Variants in GPR155 observed in about 807,000 individuals in gnomAD.
The protein encoded by GPR155 is lysosomal cholesterol signaling protein.
Under a neutral mutation model 93.1 loss-of-function variants are expected in GPR155, and 65 were observed. The observed-to-expected ratio is 0.70, with a 90% CI of 0.57 to 0.86. GPR155 has a LOEUF of 0.86. GPR155 is among the 40% of genes least tolerant of loss of function. GPR155 has a pLI of 0.00. For synonymous variants in GPR155, 319 were observed against 360.1 expected, an observed-to-expected ratio of 0.89 and a Z score of 1.29; for missense variants, 838 against 1,034.8, an observed-to-expected ratio of 0.81 and a Z score of 2.61.
rs1456436936 is a variant in GPR155 at position 174,431,849 on chromosome 2, G to A, written c.*4267C>T. 1.3e-5 allele frequency: 2 copies of A among 152,150 alleles called. No individual in the cohort carries two copies. Among genetic ancestry groups the A allele is most frequent in the African/African-American group, 4.8e-5 (2 of 41,434 alleles). 9.4% of individuals were successfully genotyped at this position (152,150 alleles called of 1,614,324 possible). ...AGAAATTTACTGACCATTAATTGTTGTTCTCAAAATGCCAAATACACTTTG... is the reference window on the plus strand; with the variant it reads ...AGAAATTTACTGACCATTAATTGTTATTCTCAAAATGCCAAATACACTTTG... On this transcript the variant is annotated 3_prime_UTR_variant, in exon 16 of 16. Coordinates refer to ENST00000392552, the MANE Select transcript of GPR155 (RefSeq NM_152529.7).
chr2:174,469,524 C>A (rs1687933677), intron 4 of GPR155, among the ~76,000 whole-genome samples: 1 of 152,186 alleles, frequency 6.6e-6, no homozygotes, highest in African/African-American at 2.4e-5. Flanking sequence ...ATTTAAAAAT[C>A]ATTTACTCTG....
At chr2:174,461,898 C>A (rs1188116972) in intron 7 of GPR155, among the ~76,000 whole-genome samples, 1 of 151,950 alleles carries the variant, frequency 6.6e-6, no homozygotes, top group Non-Finnish European at 1.5e-5. Flanking sequence ...TTACTCAATT[C>A]TTTTTATCTG....
intron 2 of GPR155, among the ~76,000 whole-genome samples, chr2:174,477,159 T>C (rs1419092826): frequency 1.3e-5 from 2 of 152,140 alleles, no homozygotes; most frequent in East Asian, 1.9e-4. Flanking sequence ...TTAAACTTTA[T>C]TTTTACTTTT....
At chr2:174,462,577 G>A (rs1041212402) in intron 7 of GPR155, among the ~76,000 whole-genome samples, 2 of 152,156 alleles carry the variant, frequency 1.3e-5, no homozygotes, top group African/African-American at 4.8e-5. Flanking sequence ...CCAAAGTTCT[G>A]GAATTATAGG....
At chr2:174,440,556 G>C (rs1209158567) in intron 14 of GPR155, among the ~76,000 whole-genome samples, 1 of 152,110 alleles carries the variant, frequency 6.6e-6, no homozygotes, top group African/African-American at 2.4e-5. Flanking sequence ...TAAGTTCAAT[G>C]ACTTTCCAAT....
Position 174,465,860 on chromosome 2 carries a change from CT to C in GPR155, c.1308del (p.Glu437LysfsTer28). 6.2e-7 allele frequency: 1 copy of C among 1,604,394 alleles called. No homozygotes were observed. The highest frequency in any genetic ancestry group is 8.5e-7 in the Non-Finnish European group (1 of 1,172,240). Reference protein sequence around the residue: ...CAGMMIWNFVKEKNFVGQILV... With the variant: ...CAGMMIWNFVXEKNFVGQILV... ...AAAATTTGTCCAACAAAATTTTTTT[CT>C]TTAACAAAATTCCATATCATCATTC... On this transcript the variant is annotated frameshift_variant, in exon 7 of 16. Transcript: ENST00000392552. LOFTEE classifies it high-confidence loss of function.
chr2:174,482,570 A>G (rs76784748), intron 1 of GPR155, among the ~76,000 whole-genome samples: 1,657 of 152,314 alleles, frequency 0.011, 34 homozygotes, highest in African/African-American at 0.037. Flanking sequence ...TTTTCTAAAG[A>G]CAGGGTCTTG....
Position 174,461,431 on chromosome 2 carries a change from C to T in GPR155, c.1531G>A (p.Asp511Asn). 6.2e-7 allele frequency: 1 copy of T among 1,613,230 alleles called. No individual in the cohort carries two copies. The highest frequency in any genetic ancestry group is 8.5e-7 in the Non-Finnish European group (1 of 1,179,302). Reference sequence around the variant, plus strand: ...TCTTTTCCATAAAAGAAGGCTGAGTCAATGCTATCTCCATTGTGTTTTCCA... The same window carrying T: ...TCTTTTCCATAAAAGAAGGCTGAGTTAATGCTATCTCCATTGTGTTTTCCA... Reference protein sequence around the residue: ...ITGKHNGDSIDSAFFYGKEQM... With the variant: ...ITGKHNGDSINSAFFYGKEQM... Residue 511 changes from aspartate to asparagine, a missense_variant, in exon 9 of 16, where the codon GAC becomes AAC. This residue lies in a region of GPR155 where 663 missense variants were observed against 790.1 expected (regional missense o/e 0.84). Coordinates refer to ENST00000392552, the MANE Select transcript of GPR155 (RefSeq NM_152529.7).
At chr2:174,469,368 G>A (rs73022174) in intron 4 of GPR155, among the ~76,000 whole-genome samples, 1,888 of 152,086 alleles carry the variant, frequency 0.012, 40 homozygotes, top group African/African-American at 0.043. Context: ...ATAAACTGTA[G>A]CAATGATATA....
In GPR155 at chr2:174,473,188, G is replaced by T. The variant is rs769390867; in HGVS notation, c.637C>A (p.Arg213Ser). 6.2e-6 allele frequency: 10 copies of T among 1,612,774 alleles called. No homozygotes were observed. In the African/African-American group the frequency reaches 1.1e-4, roughly 17 times the overall value. The change falls in exon 3 of 16, where the codon CGT becomes AGT. Residue 213 changes from arginine to serine, a missense_variant. By Grantham distance (110) the Arg-to-Ser change is moderately radical. Coordinates refer to ENST00000392552, the MANE Select transcript of GPR155 (RefSeq NM_152529.7). ...KIKIVGLGLL[R>S]VLQNPIVFMV... is the part of the protein sequence containing the mutation. ...AATACTATTGGGTTCTGTAATACAC[G>T]CAGGAGTCCGAGTCCCACAATTTTT...
chr2:174,477,411 T>G (rs576069033), intron 2 of GPR155, among the ~76,000 whole-genome samples: 43 of 152,286 alleles, frequency 2.8e-4, no homozygotes, highest in Admixed American at 7.8e-4. Context: ...TTGTAACTTT[T>G]TTTACATTTT....
intron 2 of GPR155, among the ~76,000 whole-genome samples, chr2:174,476,473 G>A (rs1246349598): frequency 1.4e-4 from 22 of 151,982 alleles, no homozygotes; most frequent in African/African-American, 4.4e-4. Context: ...GTGTGGTGGC[G>A]CACTCCCATA....
rs1293616876 is a variant in GPR155, at chr2:174,435,474, A to ATTTTG, written c.*641_*642insCAAAA. On this transcript the variant is annotated 3_prime_UTR_variant, in exon 16 of 16. Transcript: ENST00000392552. ...ACCATTTTATTAATTATTTTATTTTATTTTATTTTATTTTTGAGATAGAGT... is the reference window on the plus strand; with the variant it reads ...ACCATTTTATTAATTATTTTATTTTATTTTGTTTTATTTTATTTTTGAGATAGAGT... The ATTTTG allele has an allele frequency of 6.6e-6, 1 of 151,334 alleles. No homozygotes were observed. The highest frequency in any genetic ancestry group is 1.5e-5 in the Non-Finnish European group (1 of 67,694). 9.4% of individuals were successfully genotyped at this position (151,334 alleles called of 1,614,324 possible). A position where few individuals can be genotyped will look rare whatever the true frequency, so the allele number is the denominator to read the frequency against.
chr2:174,467,396 G>A (rs1687870104), intron 5 of GPR155, among the ~76,000 whole-genome samples: 1 of 152,040 alleles, frequency 6.6e-6, no homozygotes, highest in Admixed American at 6.6e-5. Flanking sequence ...GAGGAGAACT[G>A]CTTGAACCCA....
In GPR155 at chr2:174,432,430, T is replaced by C. The variant is rs996558788; in HGVS notation, c.*3686A>G. The C allele has an allele frequency of 1.3e-5, 2 of 152,550 alleles. No individual in the cohort carries two copies. The highest frequency in any genetic ancestry group is 4.8e-5 in the African/African-American group (2 of 41,460). The allele number at this position is 152,550 out of a possible 1,614,324, so 9.4% of individuals were successfully genotyped here. ...TTAGGGTCTCCCATGGAAAAAGATATTGCAGATTCCATTCATGCAAATAAC... is the reference window on the plus strand; with the variant it reads ...TTAGGGTCTCCCATGGAAAAAGATACTGCAGATTCCATTCATGCAAATAAC... On this transcript the variant is annotated 3_prime_UTR_variant, in exon 16 of 16. Transcript: ENST00000392552.
chr2:174,479,622 T>C (rs1688263421), intron 2 of GPR155, among the ~76,000 whole-genome samples: 1 of 152,268 alleles, frequency 6.6e-6, no homozygotes, highest in Admixed American at 6.5e-5. Context: ...TATTTCATTA[T>C]CGGCTCACTA....
chr2:174,479,387 A>G (rs1025711349), intron 2 of GPR155, among the ~76,000 whole-genome samples: 8 of 152,194 alleles, frequency 5.3e-5, no homozygotes, highest in African/African-American at 1.9e-4. Flanking sequence ...TTGAACTGGC[A>G]CATTATGTAA....
At chr2:174,461,774 G>A in intron 7 of GPR155, 102 bp from the exon 8 acceptor site, 1 of 676,878 alleles carries the variant, frequency 1.5e-6, no homozygotes, top group Non-Finnish European at 2.6e-6. Flanking sequence ...TTATTTCATA[G>A]TAGTGTGTGG....
Position 174,448,130 on chromosome 2 carries a change from A to G in GPR155, c.1877-1383T>C, listed in dbSNP as rs373679198. On this transcript the variant is annotated intron_variant, in intron 11 of 15. Transcript: ENST00000392552. ...GTGGCTCACGCCTGTAATCCTAGCAATTTGGGAGGCTGAGATGGGCGGATC... is the reference window on the plus strand; with the variant it reads ...GTGGCTCACGCCTGTAATCCTAGCAGTTTGGGAGGCTGAGATGGGCGGATC... Among the ~76,000 whole-genome samples, 34 of 152,172 alleles carry G rather than the reference A, an allele frequency of 2.2e-4. 1 individual carries two copies. Among genetic ancestry groups the G allele is most frequent in the African/African-American group, 7.9e-4 (33 of 41,532 alleles).
Sources: allele counts gnomAD v4.1 joint callset (sites outside exome capture counted in the v4.1 genomes callset), GRCh38; gene constraint gnomAD v4.1.1; regional missense constraint gnomAD v4.1.1; transcripts MANE v1.5; gene names NCBI Gene and HGNC (gene_info 2026-07-23, HGNC 2026-07-21).